The following CCSER1 variants were observed in gnomAD, a reference collection of about 807,000 sequenced individuals.
The protein encoded by CCSER1 is coiled-coil serine rich protein 1.
Under a neutral mutation model 82.0 loss-of-function variants are expected in CCSER1, and 41 were observed. That is an observed-to-expected ratio of 0.50 (90% CI 0.39 to 0.65). CCSER1 has a LOEUF of 0.65. CCSER1 is among the 30% of genes least tolerant of loss of function. The pLI, the probability that CCSER1 is intolerant of heterozygous loss-of-function variation, is 0.00. For missense variants in CCSER1, 1,119 were observed against 1,064.2 expected, an observed-to-expected ratio of 1.05 and a Z score of -0.72; for synonymous variants, 414 against 383.9, an observed-to-expected ratio of 1.08 and a Z score of -0.92.
intron 1 of CCSER1, among the ~76,000 whole-genome samples, chr4:90,171,065 CTTTT>C (rs1731568957): frequency 6.6e-6 from 1 of 151,568 alleles, no homozygotes; most frequent in Non-Finnish European, 1.5e-5. Flanking sequence ...TCTATTGTGA[CTTTT>C]ATGCATTTAT....
chr4:90,980,120 G>A (rs1022328517), intron 9 of CCSER1, among the ~76,000 whole-genome samples: 1 of 151,872 alleles, frequency 6.6e-6, no homozygotes, highest in African/African-American at 2.4e-5. Flanking sequence ...TTCTGGAAAG[G>A]TGATACTTCA....
At chr4:91,503,396 G>A (rs1759323429) in intron 10 of CCSER1, among the ~76,000 whole-genome samples, 1 of 151,624 alleles carries the variant, frequency 6.6e-6, no homozygotes, top group African/African-American at 2.4e-5. Context: ...GGCTATATGT[G>A]CTGTAGAAAG....
At chr4:90,528,879 T>C (rs1170425362) in intron 5 of CCSER1, among the ~76,000 whole-genome samples, 3 of 152,226 alleles carry the variant, frequency 2.0e-5, no homozygotes, top group Non-Finnish European at 2.9e-5. Flanking sequence ...CCATTGTTGA[T>C]TGAATCATGC....
intron 9 of CCSER1, chr4:91,017,336 T>C (rs1739520993): frequency 6.6e-6 from 1 of 152,152 alleles, no homozygotes; most frequent in African/African-American, 2.4e-5. Context: ...CTAAAGACAT[T>C]GTACATTAAA....
chr4:91,373,904 T>C (rs994773491), intron 10 of CCSER1, among the ~76,000 whole-genome samples: 9 of 152,154 alleles, frequency 5.9e-5, no homozygotes, highest in African/African-American at 1.9e-4. Context: ...GCCTTATTGC[T>C]GATATGGAAA....
intron 8 of CCSER1, among the ~76,000 whole-genome samples, chr4:90,892,083 T>G (rs1723040680): frequency 6.6e-6 from 1 of 152,124 alleles, no homozygotes; most frequent in African/African-American, 2.4e-5. Flanking sequence ...AATAAAAATT[T>G]GTTTTTTATC....
intron 1 of CCSER1, among the ~76,000 whole-genome samples, chr4:90,141,514 A>G (rs537029353): frequency 2.0e-5 from 3 of 152,340 alleles, no homozygotes; most frequent in Admixed American, 1.3e-4. Flanking sequence ...GTATACAAAG[A>G]CACAGGTCAT....
intron 1 of CCSER1, among the ~76,000 whole-genome samples, chr4:90,199,596 C>CTTTCT (rs1737263990): frequency 6.6e-6 from 1 of 151,188 alleles, no homozygotes; most frequent in Admixed American, 6.6e-5. Context: ...TCTCCTTTGC[C>CTTTCT]TCTCAAGGAA....
chr4:90,248,275 T>G (rs1721798240), intron 1 of CCSER1, among the ~76,000 whole-genome samples: 1 of 152,170 alleles, frequency 6.6e-6, no homozygotes, highest in African/African-American at 2.4e-5. Flanking sequence ...CCTTAATAAA[T>G]ATGTATTGAA....
At chr4:90,874,917 A>C (rs1209392992) in intron 8 of CCSER1, among the ~76,000 whole-genome samples, 1 of 152,048 alleles carries the variant, frequency 6.6e-6, no homozygotes, top group East Asian at 1.9e-4. Context: ...GTAGTGATGC[A>C]TTCCTATAGT....
rs553709277 is a variant in CCSER1 at position 90,933,070 on chromosome 4, AAAAG to A, written c.2172+9635_2172+9638del. ...AGAAGGAAGGAACGAAGGAAAGAAGAAAAGAAAGAAAGAAAAGAAAAGAAAGAAA... is the reference window on the plus strand; with the variant it reads ...AGAAGGAAGGAACGAAGGAAAGAAGAAAAGAAAGAAAAGAAAAGAAAGAAA... On this transcript the variant is annotated intron_variant, in intron 9 of 10. Coordinates refer to ENST00000509176, the MANE Select transcript of CCSER1 (RefSeq NM_001145065.2). Among the ~76,000 whole-genome samples the A allele has an allele frequency of 2.3e-4, 26 of 113,796 alleles. 3 individuals are homozygous for A. Among genetic ancestry groups the A allele is most frequent in the East Asian group, 2.2e-3 (10 of 4,592 alleles). 74.7% of individuals were successfully genotyped at this position (113,796 alleles called of 152,430 possible).
chr4:90,961,594 A>G (rs1306642066), intron 9 of CCSER1, among the ~76,000 whole-genome samples: 1 of 152,160 alleles, frequency 6.6e-6, no homozygotes. Flanking sequence ...ACACCTTAAG[A>G]ATGGATTAGA....
intron 9 of CCSER1, among the ~76,000 whole-genome samples, chr4:91,046,934 T>C (rs1221657425): frequency 1.3e-5 from 2 of 152,040 alleles, no homozygotes; most frequent in African/African-American, 4.8e-5. Context: ...GCCAAGATGG[T>C]CTCGATCTCC....
chr4:90,173,441 CA>C (rs1340438051), intron 1 of CCSER1, among the ~76,000 whole-genome samples: 1 of 151,700 alleles, frequency 6.6e-6, no homozygotes, highest in East Asian at 1.9e-4. Flanking sequence ...GTCTCCCAAA[CA>C]AATTGAGGCA....
intron 3 of CCSER1, among the ~76,000 whole-genome samples, chr4:90,361,308 C>G (rs1021141409): frequency 5.3e-5 from 8 of 152,172 alleles, no homozygotes; most frequent in African/African-American, 1.9e-4. Flanking sequence ...AATCCTACTG[C>G]TCTCCATGTT....
chr4:91,419,551 A>G (rs1332246980), intron 10 of CCSER1, among the ~76,000 whole-genome samples: 1 of 152,084 alleles, frequency 6.6e-6, no homozygotes, highest in African/African-American at 2.4e-5. Flanking sequence ...GATGAAAGAA[A>G]TTGAAGAAGG....
chr4:90,651,348 C>T (rs986883741), intron 6 of CCSER1, among the ~76,000 whole-genome samples: 16 of 152,126 alleles, frequency 1.1e-4, no homozygotes, highest in Non-Finnish European at 2.1e-4. Flanking sequence ...CTATGGAATA[C>T]TATGCAGCCA....
At position 90,348,625 on chromosome 4, in the gene CCSER1, A is replaced by T. The variant is rs1245209893; in HGVS notation, c.1509+35578A>T. Among the ~76,000 whole-genome samples, 3 of 152,200 alleles carry T rather than the reference A, an allele frequency of 2.0e-5. 1 individual carries two copies. The highest frequency in any genetic ancestry group is 4.1e-4 in the South Asian group (2 of 4,826). ...ACTCAGTATATTAAGACAATTGTTC[A>T]TTTGATTATTTTAATTATTCTGTTA... On this transcript the variant is annotated intron_variant, in intron 3 of 10. Coordinates refer to ENST00000509176, the MANE Select transcript of CCSER1 (RefSeq NM_001145065.2).
At chr4:90,493,548 G>C (rs548751161) in intron 5 of CCSER1, among the ~76,000 whole-genome samples, 1 of 152,304 alleles carries the variant, frequency 6.6e-6, no homozygotes, top group South Asian at 2.1e-4. Flanking sequence ...AAGCCCATCA[G>C]ACTAACAGCT....
Sources: allele counts gnomAD v4.1 joint callset (sites outside exome capture counted in the v4.1 genomes callset), GRCh38; gene constraint gnomAD v4.1.1; transcripts MANE v1.5; gene names NCBI Gene and HGNC (gene_info 2026-07-23, HGNC 2026-07-21).